KMT5A: variants seen among roughly 807,000 people sequenced by gnomAD.
KMT5A encodes the protein N-lysine methyltransferase KMT5A.
KMT5A carries 6 observed loss-of-function variants against 40.6 expected under a neutral mutation model. That is an observed-to-expected ratio of 0.15 (90% CI 0.08 to 0.29). KMT5A has a LOEUF of 0.29. Ranked by LOEUF, KMT5A falls within the 10% of genes least tolerant of loss-of-function variation. KMT5A has a pLI of 1.00. For synonymous variants in KMT5A, 153 were observed against 178.8 expected (o/e 0.86, Z 1.15); for missense variants, 308 against 459.1 (o/e 0.67, Z 3.01).
chr12:123,390,546 TC>T, intron 2 of KMT5A, 83 bp from the exon 3 acceptor site: 1 of 1,520,150 alleles, frequency 6.6e-7, no homozygotes, highest in Non-Finnish European at 8.9e-7. Flanking sequence ...TGTCTGATTT[TC>T]ATCTTTTGTA....
chr12:123,404,778 G>A, intron 6 of KMT5A, 106 bp from the exon 7 acceptor site: 1 of 1,086,262 alleles, frequency 9.2e-7, no homozygotes, highest in Non-Finnish European at 1.3e-6. Flanking sequence ...ACATGGCTCA[G>A]TACAGCTGTT....
chr12:123,389,918 C>T, intron 2 of KMT5A: 1 of 372,700 alleles, frequency 2.7e-6, no homozygotes. Flanking sequence ...ACGCCCTCCT[C>T]CGTCTGTACT....
At chr12:123,395,010 C>G in intron 3 of KMT5A, 37 bp from the exon 4 acceptor site, 1 of 1,503,534 alleles carries the variant, frequency 6.7e-7, no homozygotes, top group African/African-American at 1.4e-5. Flanking sequence ...AGAGACAGTA[C>G]AGAATAAACC....
chr12:123,389,354 C>G, intron 1 of KMT5A, 79 bp from the exon 2 acceptor site: 1 of 934,266 alleles, frequency 1.1e-6, no homozygotes, highest in East Asian at 1.1e-4. Context: ...TCGCGGCGCC[C>G]GGCCCGGGCG....
At chr12:123,394,104 C>CTTTTTTTTTTTTTTTT (rs397711320) in intron 3 of KMT5A, among the ~76,000 whole-genome samples, 3 of 125,068 alleles carry the variant, frequency 2.4e-5, no homozygotes, top group Admixed American at 9.1e-5. Flanking sequence ...ATTTTTTTTT[C>CTTTTTTTTTTTTTTTT]TTTTTTTTTT....
intron 5 of KMT5A, among the ~76,000 whole-genome samples, chr12:123,397,814 T>C (rs554224784): frequency 2.7e-5 from 4 of 147,510 alleles, no homozygotes; most frequent in African/African-American, 7.5e-5. Context: ...CTACAGGCAT[T>C]CGCCACCACG....
Position 123,386,104 on chromosome 12 carries a change from ATTAG to A in KMT5A, c.10+1900_10+1903del, listed in dbSNP as rs1378270478. On this transcript the variant is annotated intron_variant, in intron 1 of 7. Coordinates refer to ENST00000402868, the MANE Select transcript of KMT5A (RefSeq NM_020382.7). ...CAGCTTACAAATCACCTATGTAATT[ATTAG>A]TTATTGATTCTCACTGTCTCACTTG... Among the ~76,000 whole-genome samples the A allele has an allele frequency of 2.6e-5, 4 of 151,914 alleles. No individual in the cohort carries two copies. The East Asian group carries it at 7.8e-4, about 29-fold the overall frequency.
In KMT5A at chr12:123,405,160, G is replaced by T. The variant is rs1016323534; in HGVS notation, c.848+86G>T. On this transcript the variant is annotated intron_variant, in intron 7 of 7. Transcript: ENST00000402868. ...GGGCCAGGAACTCCTGATTCTGTTT[G>T]GTGGCCAGTCTTTTGGTTTTGTTGT... 3.0e-6 allele frequency: 4 copies of T among 1,331,044 alleles called. No homozygotes were observed. In the African/African-American group the frequency reaches 4.5e-5, roughly 15 times the overall value. The allele number at this position is 1,331,044 out of a possible 1,614,324, so 82.5% of individuals were successfully genotyped here.
At chr12:123,389,990 C>G (rs1041581097) in intron 2 of KMT5A, 8 of 456,688 alleles carry the variant, frequency 1.8e-5, no homozygotes, top group African/African-American at 1.0e-4. Flanking sequence ...CCCCACCGCC[C>G]CGTCCACTCT....
At chr12:123,398,456 T>C (rs942046927) in intron 5 of KMT5A, among the ~76,000 whole-genome samples, 2 of 152,116 alleles carry the variant, frequency 1.3e-5, no homozygotes, top group African/African-American at 2.4e-5. Flanking sequence ...GCCTTGTTAA[T>C]AAGAAGCAAG....
chr12:123,385,037 TA>T lies in KMT5A; in HGVS notation c.10+843del, dbSNP rs78382385. Reference sequence around the variant, plus strand: ...CGTGAAAGTTGAGTAGAATTAGTATTAAAAAAAAAAAAAAGTTTTGGTATTA... The same window carrying T: ...CGTGAAAGTTGAGTAGAATTAGTATTAAAAAAAAAAAAAGTTTTGGTATTA... On this transcript the variant is annotated intron_variant, in intron 1 of 7. Coordinates refer to ENST00000402868, the MANE Select transcript of KMT5A (RefSeq NM_020382.7). Among the ~76,000 whole-genome samples the T allele has an allele frequency of 6.2e-3, 882 of 142,542 alleles. 1 individual carries two copies. Among genetic ancestry groups the T allele is most frequent in the African/African-American group, 0.013 (511 of 39,062 alleles). The allele number at this position is 142,542 out of a possible 152,430, so 93.5% of individuals were successfully genotyped here. A position where few individuals can be genotyped will look rare whatever the true frequency, so the allele number is the denominator to read the frequency against.
At chr12:123,402,268 AG>A (rs1276731084) in intron 5 of KMT5A, among the ~76,000 whole-genome samples, 1 of 152,208 alleles carries the variant, frequency 6.6e-6, no homozygotes, top group African/African-American at 2.4e-5. Flanking sequence ...GTGACTAGCA[AG>A]GGGGCCGGAG....
Position 123,407,937 on chromosome 12 carries a change from T to G in KMT5A, c.*234T>G. 3.9e-6 allele frequency: 2 copies of G among 516,084 alleles called. No homozygotes were observed. The highest frequency in any genetic ancestry group is 4.9e-5 in the South Asian group (2 of 40,520). The allele number at this position is 516,084 out of a possible 1,614,324, so 32.0% of individuals were successfully genotyped here. On this transcript the variant is annotated 3_prime_UTR_variant, in exon 8 of 8. Coordinates refer to ENST00000402868, the MANE Select transcript of KMT5A (RefSeq NM_020382.7). ...ACCAAAACTTTTATATTCTAGTTGT[T>G]TTTGTACTTTTTTTGCATACAAGCC...
chr12:123,403,740 C>A, intron 6 of KMT5A, 108 bp downstream of exon 6: 1 of 1,211,178 alleles, frequency 8.3e-7, no homozygotes, highest in South Asian at 1.3e-5. Context: ...CTCTAATGGC[C>A]ATGGTGACCA....
chr12:123,401,687 T>A (rs1457381665), intron 5 of KMT5A, among the ~76,000 whole-genome samples: 1 of 152,068 alleles, frequency 6.6e-6, no homozygotes, highest in Non-Finnish European at 1.5e-5. Context: ...GTTCAAGCGA[T>A]TCTCCTGCCT....
rs78530836 is a variant in KMT5A at position 123,394,866 on chromosome 12, G to C, written c.290-181G>C. The stretch of plus-strand genomic sequence containing the variant: ...GTGTCTTGGTCAAAAAATCGAGCTG[G>C]AGCTAGGCACTCCCCCTGTCATAGC... On this transcript the variant is annotated intron_variant, in intron 3 of 7. Transcript: ENST00000402868. 7.8e-3 allele frequency among the ~76,000 whole-genome samples: 1,180 copies of C among 152,238 alleles called. 36 individuals carry two copies. Among genetic ancestry groups the C allele is most frequent in the East Asian group, 0.055 (283 of 5,176 alleles).
chr12:123,395,326 G>A, intron 4 of KMT5A, 60 bp downstream of exon 4: 1 of 1,546,868 alleles, frequency 6.5e-7, no homozygotes. Flanking sequence ...CTGATGCCAG[G>A]GAAGCCTGCT....
intron 7 of KMT5A, among the ~76,000 whole-genome samples, chr12:123,406,753 G>A (rs1384937939): frequency 2.6e-5 from 4 of 152,032 alleles, no homozygotes; most frequent in Non-Finnish European, 4.4e-5. Context: ...TGGGCCAGGC[G>A]TGGTAGCTCA....
At chr12:123,395,799 G>A (rs1877677961) in intron 4 of KMT5A, among the ~76,000 whole-genome samples, 2 of 152,064 alleles carry the variant, frequency 1.3e-5, no homozygotes, top group East Asian at 1.9e-4. Flanking sequence ...TCCTGACCTC[G>A]TGATCTGCCT....
Sources: gnomAD v4.1 joint callset for allele counts (sites outside exome capture counted in the v4.1 genomes callset) on GRCh38, gnomAD v4.1.1 for gene constraint, MANE v1.5 for transcripts, NCBI Gene and HGNC (gene_info 2026-07-23, HGNC 2026-07-21) for gene names.